SLC35F1: variants seen among roughly 807,000 people sequenced by gnomAD.
SLC35F1 encodes the protein chromosome 6 open reading frame 169.
SLC35F1 carries 14 observed loss-of-function variants against 48.7 expected under a neutral mutation model. That is an observed-to-expected ratio of 0.29 (90% CI 0.19 to 0.45). The LOEUF is 0.45. SLC35F1 is among the 20% of genes least tolerant of loss of function. The pLI is 1.00. For synonymous variants in SLC35F1, 190 were observed against 202.2 expected, an observed-to-expected ratio of 0.94 and a Z score of 0.51; for missense variants, 404 against 500.0, an observed-to-expected ratio of 0.81 and a Z score of 1.83.
In SLC35F1 at chr6:117,923,638, C is replaced by CATATACGTATACGT. The variant is rs1562238569; in HGVS notation, c.173+15743_173+15744insACGTATACGTATAT. The stretch of plus-strand genomic sequence containing the variant: ...ACATATGTATATATACATATATGTA[C>CATATACGTATACGT]ATATGTACATATGTACATATGTATA... On this transcript the variant is annotated intron_variant, in intron 1 of 7. Coordinates refer to ENST00000360388, the MANE Select transcript of SLC35F1 (RefSeq NM_001029858.4). 3.9e-5 allele frequency among the ~76,000 whole-genome samples: 2 copies of CATATACGTATACGT among 50,950 alleles called. 1 individual carries two copies. Among genetic ancestry groups the CATATACGTATACGT allele is most frequent in the African/African-American group, 1.5e-4 (2 of 13,390 alleles). The allele number at this position is 50,950 out of a possible 152,430, so 33.4% of individuals were successfully genotyped here. A position where few individuals can be genotyped will look rare whatever the true frequency, so the allele number is the denominator to read the frequency against.
Position 118,254,419 on chromosome 6 carries a change from C to T in SLC35F1, c.478-12576C>T, listed in dbSNP as rs139315813. ...ACCTCAGCCTCCCACGTGGCTGGGA[C>T]TATAGGTGTGTGCCACCACGCCTAG... On this transcript the variant is annotated intron_variant, in intron 3 of 7. Transcript: ENST00000360388. Among the ~76,000 whole-genome samples the T allele has an allele frequency of 6.4e-4, 98 of 152,260 alleles. 2 individuals carry two copies. In the East Asian group the frequency reaches 0.016, roughly 25 times the overall value.
At chr6:117,983,385 G>A (rs1776807422) in intron 1 of SLC35F1, among the ~76,000 whole-genome samples, 1 of 152,104 alleles carries the variant, frequency 6.6e-6, no homozygotes, top group African/African-American at 2.4e-5. Context: ...GACCCGCCTG[G>A]CCAACATGGT....
chr6:118,116,720 G>A (rs1773480761), intron 1 of SLC35F1, among the ~76,000 whole-genome samples: 1 of 151,878 alleles, frequency 6.6e-6, no homozygotes, highest in South Asian at 2.1e-4. Context: ...TTTCTTTGTG[G>A]CCAACTTCTC....
intron 3 of SLC35F1, among the ~76,000 whole-genome samples, chr6:118,243,216 T>C (rs1467834480): frequency 3.3e-5 from 5 of 152,240 alleles, no homozygotes; most frequent in Non-Finnish European, 1.5e-5. Flanking sequence ...CTAAGTTGTA[T>C]CAAATACAGA....
At chr6:118,007,195 ACT>A (rs1413928595) in intron 1 of SLC35F1, among the ~76,000 whole-genome samples, 2 of 151,704 alleles carry the variant, frequency 1.3e-5, no homozygotes, top group Non-Finnish European at 2.9e-5. Context: ...TGAAGCGGGG[ACT>A]CTCTACACAC....
chr6:118,092,562 T>G (rs1019206982), intron 1 of SLC35F1, among the ~76,000 whole-genome samples: 5 of 152,142 alleles, frequency 3.3e-5, no homozygotes, highest in African/African-American at 9.7e-5. Context: ...AGACCTCCAC[T>G]GACAGCTTGC....
chr6:118,254,680 A>G (rs866556216), intron 3 of SLC35F1, among the ~76,000 whole-genome samples: 6 of 152,212 alleles, frequency 3.9e-5, no homozygotes, highest in Admixed American at 1.3e-4. Context: ...TCTCCATACT[A>G]TTATAATGTG....
chr6:118,030,948 AT>A (rs1364298995), intron 1 of SLC35F1, among the ~76,000 whole-genome samples: 2 of 152,052 alleles, frequency 1.3e-5, no homozygotes, highest in Non-Finnish European at 2.9e-5. Context: ...TTTGGAATTT[AT>A]TTTTTTAATG....
At chr6:118,153,628 A>G (rs1335843035) in intron 1 of SLC35F1, among the ~76,000 whole-genome samples, 1 of 152,172 alleles carries the variant, frequency 6.6e-6, no homozygotes, top group Non-Finnish European at 1.5e-5. Context: ...AGGGCATTTT[A>G]TTTGTATGCA....
At chr6:118,195,159 C>T (rs988194849) in intron 2 of SLC35F1, among the ~76,000 whole-genome samples, 1 of 152,132 alleles carries the variant, frequency 6.6e-6, no homozygotes, top group Non-Finnish European at 1.5e-5. Flanking sequence ...GGCCTCTAAC[C>T]CAAACTTATC....
chr6:118,306,491 T>C (rs1776313337), intron 7 of SLC35F1, among the ~76,000 whole-genome samples: 1 of 152,234 alleles, frequency 6.6e-6, no homozygotes, highest in Non-Finnish European at 1.5e-5. Context: ...CATGTACCTC[T>C]GTGTTTTGCA....
At chr6:117,999,980 C>T (rs1472810025) in intron 1 of SLC35F1, among the ~76,000 whole-genome samples, 1 of 151,370 alleles carries the variant, frequency 6.6e-6, no homozygotes, top group Non-Finnish European at 1.5e-5. Context: ...CAAAAAGAGT[C>T]CAGGACCAGA....
chr6:118,230,606 T>A (rs990241975), intron 2 of SLC35F1, among the ~76,000 whole-genome samples: 1 of 152,056 alleles, frequency 6.6e-6, no homozygotes, highest in African/African-American at 2.4e-5. Context: ...TAAAAACACA[T>A]GAAAGAAAGT....
intron 1 of SLC35F1, among the ~76,000 whole-genome samples, chr6:118,115,218 A>C (rs928776372): frequency 2.0e-5 from 3 of 152,152 alleles, no homozygotes; most frequent in Non-Finnish European, 4.4e-5. Flanking sequence ...CTAACCATCA[A>C]CTATCTGCAG....
intron 3 of SLC35F1, among the ~76,000 whole-genome samples, chr6:118,244,188 A>G (rs932642729): frequency 6.6e-6 from 1 of 152,198 alleles, no homozygotes; most frequent in African/African-American, 2.4e-5. Flanking sequence ...TTCCTACACC[A>G]TCTTTAAATG....
intron 1 of SLC35F1, among the ~76,000 whole-genome samples, chr6:118,077,357 GT>G (rs1218156026): frequency 6.6e-6 from 1 of 152,182 alleles, no homozygotes; most frequent in Non-Finnish European, 1.5e-5. Flanking sequence ...TTGAGCCATA[GT>G]TTTCCAATGC....
At chr6:117,916,475 G>A (rs1034780278) in intron 1 of SLC35F1, among the ~76,000 whole-genome samples, 10 of 152,084 alleles carry the variant, frequency 6.6e-5, no homozygotes, top group Non-Finnish European at 1.0e-4. Flanking sequence ...CCTCATTGTG[G>A]GGGCATCAGG....
chr6:118,195,089 C>G (rs540090152), intron 2 of SLC35F1, among the ~76,000 whole-genome samples: 2 of 152,218 alleles, frequency 1.3e-5, no homozygotes, highest in Admixed American at 6.5e-5. Flanking sequence ...CAAACTTGCC[C>G]CCGGTTGGGC....
intron 1 of SLC35F1, among the ~76,000 whole-genome samples, chr6:118,079,885 T>C (rs1772880698): frequency 6.6e-6 from 1 of 152,210 alleles, no homozygotes; most frequent in Non-Finnish European, 1.5e-5. Flanking sequence ...CACAGGACTT[T>C]CTATGTCTCC....
Sources: allele counts gnomAD v4.1 joint callset (sites outside exome capture counted in the v4.1 genomes callset), GRCh38; gene constraint gnomAD v4.1.1; transcripts MANE v1.5; gene names NCBI Gene and HGNC (gene_info 2026-07-23, HGNC 2026-07-21).